Variants in SLC29A2 observed in about 807,000 individuals in gnomAD.
SLC29A2 encodes solute carrier family 29 member 2, also known as equilibrative nucleoside transporter 2.
SLC29A2 carries 37 observed loss-of-function variants against 48.8 expected under a neutral mutation model. The ratio of observed to expected loss-of-function variants is 0.76; its 90% CI spans 0.58 to 1.00. SLC29A2 has a LOEUF of 1.00. Ranked by LOEUF, SLC29A2 falls within the 50% of genes least tolerant of loss-of-function variation. The pLI is 0.00. For missense variants in SLC29A2, 533 were observed against 578.6 expected, an observed-to-expected ratio of 0.92 and a Z score of 0.81; for synonymous variants, 233 against 261.7, an observed-to-expected ratio of 0.89 and a Z score of 1.06.
In SLC29A2 at chr11:66,364,411, C is replaced by A. The variant is rs748068493; in HGVS notation, c.1073G>T (p.Ser358Ile). 1 of 1,610,414 alleles carries A rather than the reference C, an allele frequency of 6.2e-7. No individual in the cohort carries two copies. The highest frequency in any genetic ancestry group is 1.1e-5 in the South Asian group (1 of 90,418). The change falls in exon 11 of 12, where the codon AGC becomes ATC. Residue 358 changes from serine (S) to isoleucine (I), a missense_variant. By Grantham distance (142) the Ser-to-Ile change is moderately radical. Coordinates refer to ENST00000357440, the MANE Select transcript of SLC29A2 (RefSeq NM_001532.3). ...GCAGACCAGCAGGGGCAGCAGCCGG[C>A]TGTCCTCGTCTGGCTGTGGTAGAAG... ...TSYFLWPDED[S>I]RLLPLLVCLR... is the part of the protein sequence containing the mutation.
At position 66,370,815 on chromosome 11, in the gene SLC29A2, C is replaced by T. The variant is rs1368643776; in HGVS notation, c.111+429G>A. The stretch of plus-strand genomic sequence containing the variant: ...CGGAGCTTGCAGTGAGCCGAGATGG[C>T]GCCACTGCACTCCAGCCTGGGCGAA... On this transcript the variant is annotated intron_variant, in intron 2 of 11. Coordinates refer to ENST00000357440, the MANE Select transcript of SLC29A2 (RefSeq NM_001532.3). Among the ~76,000 whole-genome samples, 5 of 144,364 alleles carry T rather than the reference C, an allele frequency of 3.5e-5. No individual in the cohort carries two copies. In the East Asian group the frequency reaches 1.0e-3, roughly 30 times the overall value. The allele number at this position is 144,364 out of a possible 152,430, so 94.7% of individuals were successfully genotyped here. A position where few individuals can be genotyped will look rare whatever the true frequency, so the allele number is the denominator to read the frequency against.
chr11:66,367,994 C>T (rs1855809147), intron 5 of SLC29A2, 125 bp from the exon 6 acceptor site: 1 of 749,924 alleles, frequency 1.3e-6, no homozygotes, highest in Admixed American at 2.0e-5. Flanking sequence ...TTCCGCTCCT[C>T]CCTTCACTGA....
At position 66,367,881 on chromosome 11, in the gene SLC29A2, C is replaced by A; in HGVS notation, c.551-12G>T. The A allele has an allele frequency of 6.2e-7, 1 of 1,612,328 alleles. No individual in the cohort carries two copies. The highest frequency in any genetic ancestry group is 1.1e-5 in the South Asian group (1 of 90,962). On this transcript the variant is annotated splice_polypyrimidine_tract_variant and intron_variant, in intron 5 of 11. Transcript: ENST00000357440. ...GGCGTCCACGCCACCTGCGGAGGAA[C>A]TTCAGCTGCAGAAGAGAGGCACCTG...
chr11:66,371,945 G>A (rs979120502), upstream of SLC29A2: 3 of 366,846 alleles, frequency 8.2e-6, no homozygotes, highest in Non-Finnish European at 1.5e-5. Flanking sequence ...TCCTCTCCGC[G>A]GGGGCGGGTC....
chr11:66,369,273 G>C, intron 3 of SLC29A2, 74 bp from the exon 4 acceptor site: 18 of 1,593,068 alleles, frequency 1.1e-5, no homozygotes, highest in Non-Finnish European at 1.5e-5. Flanking sequence ...TCGACACCTG[G>C]GGCTGGGCAG....
At position 66,367,826 on chromosome 11, in the gene SLC29A2, CGTGAT is replaced by C. The variant is rs1855794039; in HGVS notation, c.589_593del (p.Ile197AlafsTer28). 8 of 1,614,052 alleles carry C rather than the reference CGTGAT, an allele frequency of 5.0e-6. No homozygotes were observed. Among genetic ancestry groups the C allele is most frequent in the East Asian group, 2.2e-5 (1 of 44,902 alleles). On this transcript the variant is annotated frameshift_variant, in exon 6 of 12. Transcript: ENST00000357440. LOFTEE classifies it high-confidence loss of function. ...TGGACATGAGGATGCCCACACAGGG[CGTGAT>C]AAAGTACCCCAGGGCAGAGGTCTCG...
At position 66,371,626 on chromosome 11, in the gene SLC29A2, G is replaced by C. The variant is rs1046891470; in HGVS notation, c.-35C>G. On this transcript the variant is annotated 5_prime_UTR_variant, in exon 1 of 12. Coordinates refer to ENST00000357440, the MANE Select transcript of SLC29A2 (RefSeq NM_001532.3). ...GGCGGATGCGCCTGGGGTGAAAGGG[G>C]CAGAGAAGCCGCACCTGCACCTGCG... 2 of 1,539,976 alleles carry C rather than the reference G, an allele frequency of 1.3e-6. No individual in the cohort carries two copies. The highest frequency in any genetic ancestry group is 2.4e-5 in the East Asian group (1 of 41,160).
At chr11:66,368,982 A>T in intron 4 of SLC29A2, 78 bp downstream of exon 4, 13 of 1,512,032 alleles carry the variant, frequency 8.6e-6, no homozygotes, top group Non-Finnish European at 9.9e-6. Flanking sequence ...CCCTTCTCGG[A>T]TATGCTGGGC....
At position 66,367,542 on chromosome 11, in the gene SLC29A2, C is replaced by G. The variant is rs1565219906; in HGVS notation, c.655G>C (p.Ala219Pro). ...GATTTATTGGCCAGGTAGTAGCGGG[C>G]AAACTTCTGCAGAAGGACAGGAAAG... ...CYLSLPHLKF[A>P]RYYLANKSSQ... is the part of the protein sequence containing the mutation. Residue 219 changes from alanine to proline, a missense_variant, in exon 7 of 12, where the codon GCC becomes CCC. Ala to Pro is a conservative substitution (Grantham distance 27). Transcript: ENST00000357440. 1 of 1,614,084 alleles carries G rather than the reference C, an allele frequency of 6.2e-7. No individual in the cohort carries two copies. Among genetic ancestry groups the G allele is most frequent in the Non-Finnish European group, 8.5e-7 (1 of 1,179,968 alleles).
chr11:66,363,140 G>T lies in SLC29A2; in HGVS notation c.*296C>A. On this transcript the variant is annotated 3_prime_UTR_variant, in exon 12 of 12. Transcript: ENST00000357440. The stretch of plus-strand genomic sequence containing the variant: ...GATGATGATGAACAAATGCAGACCT[G>T]GTGGTGGGGAGCAGCCGTGCCCTGC... 1 of 416,118 alleles carries T rather than the reference G, an allele frequency of 2.4e-6. No individual in the cohort carries two copies. Among genetic ancestry groups the T allele is most frequent in the Non-Finnish European group, 4.5e-6 (1 of 219,816 alleles). The allele number at this position is 416,118 out of a possible 1,614,324, so 25.8% of individuals were successfully genotyped here.
chr11:66,364,628 C>T (rs1855565178), intron 10 of SLC29A2: 1 of 548,624 alleles, frequency 1.8e-6, no homozygotes, highest in African/African-American at 1.9e-5. Context: ...CTTCAGCCTC[C>T]TGAGTAGCTG....
upstream of SLC29A2, chr11:66,372,004 C>T (rs2135020644): frequency 3.9e-6 from 1 of 253,872 alleles, no homozygotes; most frequent in African/African-American, 2.3e-5. Flanking sequence ...CGAGGTGTAA[C>T]CTCACCTCCA....
rs1565223310 is a variant in SLC29A2 at position 66,369,552 on chromosome 11, T to A, written c.112-20A>T. ...GAAGTACTGCCAGGTGGGGAGGTGG[T>A]GGAGGGTCAGCACCTCTCAGCCTTC... On this transcript the variant is annotated intron_variant, in intron 2 of 11. Coordinates refer to ENST00000357440, the MANE Select transcript of SLC29A2 (RefSeq NM_001532.3). The A allele has an allele frequency of 6.2e-7, 1 of 1,613,430 alleles. No individual in the cohort carries two copies. The highest frequency in any genetic ancestry group is 1.1e-5 in the South Asian group (1 of 91,070).
intron 5 of SLC29A2, 28 bp from the exon 6 acceptor site, chr11:66,367,897 G>A (rs1343051620): frequency 1.4e-5 from 23 of 1,594,360 alleles, no homozygotes; most frequent in Non-Finnish European, 2.0e-5. Flanking sequence ...CTGCAGAAGA[G>A]AGGCACCTGG....
At chr11:66,369,263 T>C (rs994446441) in intron 3 of SLC29A2, 64 bp from the exon 4 acceptor site, 188 of 1,586,558 alleles carry the variant, frequency 1.2e-4, no homozygotes, top group South Asian at 2.7e-4. Context: ...GGAAGGAGGC[T>C]CGACACCTGG....
rs1157283622 is a variant in SLC29A2, at chr11:66,371,258, T to G, written c.97A>C (p.Ile33Leu). Residue 33 changes from isoleucine to leucine, a missense_variant, in exon 2 of 12, where the codon ATC becomes CTC. Physicochemically the swap from Ile to Leu is conservative, Grantham distance 5. Transcript: ENST00000357440. ...AGGAGTCTCACCGGGATGGCGGTGA[T>G]GAAGAAGTTCCAGGGAAGGAGGGTG... ...LGTLLPWNFF[I>L]TAIPYFQARL... The G allele has an allele frequency of 1.2e-6, 2 of 1,613,616 alleles. No individual in the cohort carries two copies. The highest frequency in any genetic ancestry group is 1.7e-6 in the Non-Finnish European group (2 of 1,179,980).
In SLC29A2 at chr11:66,371,318, G is replaced by C; in HGVS notation, c.37C>G (p.Leu13Val). 1 of 1,613,832 alleles carries C rather than the reference G, an allele frequency of 6.2e-7. No individual in the cohort carries two copies. Among genetic ancestry groups the C allele is most frequent in the Non-Finnish European group, 8.5e-7 (1 of 1,179,950 alleles). The change falls in exon 2 of 12, where the codon CTG (leucine) becomes GTG (valine). Residue 13 changes from leucine to valine, a missense_variant. By Grantham distance (32) the Leu-to-Val change is conservative. Transcript: ENST00000357440. Reference protein sequence around the residue: ...RGDAPRDSYHLVGISFFILGL... With the variant: ...RGDAPRDSYHVVGISFFILGL... ...AGGATGAAGAAGCTGATCCCGACCA[G>C]GTGGTAGCTGTGGGGATCGGTGGGA...
chr11:66,367,699 TCTCAGGGCCTCAGG>T, intron 6 of SLC29A2, 59 bp downstream of exon 6: 1 of 1,522,606 alleles, frequency 6.6e-7, no homozygotes, highest in Non-Finnish European at 9.1e-7. Context: ...CCCTGGCCTC[TCTCAGGGCCTCAGG>T]CTCAGGACTC....
At chr11:66,364,494 CAT>C (rs1333663622) in intron 10 of SLC29A2, 70 bp from the exon 11 acceptor site, 2 of 1,088,200 alleles carry the variant, frequency 1.8e-6, no homozygotes, top group African/African-American at 1.7e-5. Context: ...TCAGGACACC[CAT>C]AGAGTACTTT....
Sources: allele counts gnomAD v4.1 joint callset (sites outside exome capture counted in the v4.1 genomes callset), GRCh38; gene constraint gnomAD v4.1.1; transcripts MANE v1.5; gene names NCBI Gene and HGNC (gene_info 2026-07-23, HGNC 2026-07-21).